Variants in ZNF469 observed in about 807,000 individuals in gnomAD.
ZNF469 encodes zinc finger protein 469.
ZNF469 carries 1 observed loss-of-function variant against 1.0 expected under a neutral mutation model. The ratio of observed to expected loss-of-function variants is 1.00; its 90% CI spans 0.35 to 4.73. The LOEUF is 4.73. Ranked by LOEUF, ZNF469 falls within the 30% of genes most tolerant of loss-of-function variation. The pLI, the probability that ZNF469 is intolerant of heterozygous loss-of-function variation, is 0.16. For missense variants in ZNF469, 6,100 were observed against 5,356.3 expected (o/e 1.14, Z -4.33); for synonymous variants, 2,703 against 2,363.4 (o/e 1.14, Z -4.17).
intron 1 of ZNF469, among the ~76,000 whole-genome samples, chr16:88,408,252 G>A (rs752269522): frequency 7.2e-5 from 11 of 152,176 alleles, no homozygotes; most frequent in Non-Finnish European, 1.2e-4. Flanking sequence ...TCCCAGGTTC[G>A]AGCAATTCTC....
chr16:88,117,774 G>C, the ZNF469 span, among the ~76,000 whole-genome samples: 6 of 152,224 alleles, frequency 3.9e-5, no homozygotes, highest in Non-Finnish European at 7.3e-5. Context: ...CCCCGGTCGT[G>C]TGCAAGTGAC....
upstream of ZNF469, among the ~76,000 whole-genome samples, chr16:88,380,852 TCA>T: frequency 9.8e-6 from 1 of 102,256 alleles, no homozygotes; most frequent in African/African-American, 3.8e-5. Context: ...AGACATGCAC[TCA>T]CATGCACTCA....
the ZNF469 span, among the ~76,000 whole-genome samples, chr16:88,356,528 G>A: frequency 1.4e-4 from 22 of 152,032 alleles, no homozygotes; most frequent in South Asian, 6.2e-4. Flanking sequence ...GTGTATTGCC[G>A]TGTGCCTGTG....
chr16:88,142,656 C>T, the ZNF469 span, among the ~76,000 whole-genome samples: 2 of 152,198 alleles, frequency 1.3e-5, no homozygotes, highest in African/African-American at 2.4e-5. Flanking sequence ...AACTCTATTG[C>T]CTGGTCTATA....
intron 1 of ZNF469, among the ~76,000 whole-genome samples, chr16:88,411,575 G>C (rs1480289765): frequency 4.6e-5 from 7 of 152,134 alleles, no homozygotes; most frequent in African/African-American, 1.7e-4. Flanking sequence ...GCAGCCTCAG[G>C]TGTGTTTGGA....
the ZNF469 span, among the ~76,000 whole-genome samples, chr16:88,311,636 G>C: frequency 6.6e-6 from 1 of 152,120 alleles, no homozygotes; most frequent in Non-Finnish European, 1.5e-5. Context: ...CCAACTGAGG[G>C]GTGTCTGGTG....
chr16:88,426,027 G>A (rs569834688), intron 2 of ZNF469, among the ~76,000 whole-genome samples: 1 of 152,374 alleles, frequency 6.6e-6, no homozygotes, highest in South Asian at 2.1e-4. Flanking sequence ...GGGACAGAGG[G>A]CCTGCCAGCC....
intron 1 of ZNF469, among the ~76,000 whole-genome samples, chr16:88,411,852 C>A (rs1418180497): frequency 6.6e-6 from 1 of 152,176 alleles, no homozygotes; most frequent in African/African-American, 2.4e-5. Context: ...CAGGCCCACA[C>A]CTGGGGTCCC....
the ZNF469 span, among the ~76,000 whole-genome samples, chr16:88,299,662 C>T: frequency 1.3e-5 from 2 of 152,178 alleles, no homozygotes; most frequent in Non-Finnish European, 1.5e-5. Flanking sequence ...TGATCCCACT[C>T]CAGCTGAGTG....
At chr16:88,172,427 A>G in the ZNF469 span, among the ~76,000 whole-genome samples, 2 of 152,254 alleles carry the variant, frequency 1.3e-5, no homozygotes, top group Non-Finnish European at 2.9e-5. Context: ...GCCATAGCCT[A>G]AGGCTGTTTT....
chr16:88,341,389 T>C, the ZNF469 span, among the ~76,000 whole-genome samples: 2 of 152,166 alleles, frequency 1.3e-5, no homozygotes, highest in Non-Finnish European at 2.9e-5. Context: ...CAGTTGCCCC[T>C]GCTGGGACGT....
chr16:88,432,649 A>C lies in ZNF469; in HGVS notation c.5179A>C (p.Lys1727Gln), dbSNP rs893571830. 6.4e-7 allele frequency: 1 copy of C among 1,550,412 alleles called. No homozygotes were observed. The highest frequency in any genetic ancestry group is 8.7e-7 in the Non-Finnish European group (1 of 1,146,980). ...PQDVCLPEPS[K>Q]QPGPQLDAGS... The stretch of plus-strand genomic sequence containing the variant: ...AGATGTCTGCCTGCCTGAGCCCAGC[A>C]AGCAGCCTGGCCCACAGCTGGATGC... The change falls in exon 3 of 3, where the codon AAG becomes CAG. Residue 1727 changes from lysine (K) to glutamine (Q), a missense_variant. By Grantham distance (53) the Lys-to-Gln change is moderately conservative. Transcript: ENST00000565624.
the ZNF469 span, among the ~76,000 whole-genome samples, chr16:88,153,468 TA>T: frequency 3.3e-5 from 5 of 152,252 alleles, no homozygotes; most frequent in African/African-American, 1.2e-4. Flanking sequence ...AGGTAGAATT[TA>T]CCCATTGCCC....
chr16:88,438,618 G>T lies in ZNF469; in HGVS notation c.11148G>T (p.Glu3716Asp), dbSNP rs1906776402. 1 of 1,550,106 alleles carries T rather than the reference G, an allele frequency of 6.5e-7. No homozygotes were observed. The change falls in exon 3 of 3, where the codon GAG (glutamate) becomes GAT (aspartate). Residue 3716 changes from glutamate to aspartate, a missense_variant. Coordinates refer to ENST00000565624, the MANE Select transcript of ZNF469 (RefSeq NM_001367624.2). ...CCGGGGAGCTGGCCCGTGGCACAGA[G>T]AATGGGATGAAGCCCGCCACCCCCA... ...LAPGELARGT[E>D]NGMKPATPKA...
At chr16:88,152,302 C>A in the ZNF469 span, among the ~76,000 whole-genome samples, 2 of 152,260 alleles carry the variant, frequency 1.3e-5, no homozygotes, top group African/African-American at 2.4e-5. This position sits in a 1 kb window ranked among gnomAD's most constrained non-coding sequence, Gnocchi z 4.2. Context: ...TTGGAAAAGT[C>A]ACGGGCAGCC....
chr16:88,216,685 ATTGAAAGGGTTTTGGAAGCTATCC>A, the ZNF469 span, among the ~76,000 whole-genome samples: 1 of 152,074 alleles, frequency 6.6e-6, no homozygotes, highest in Admixed American at 6.5e-5. Flanking sequence ...CATGCTTCTG[ATTGAAAGGGTTTTGGAAGCTATCC>A]TTTCAAATAT....
At chr16:88,387,068 T>TG (rs1904349935) in intron 1 of ZNF469, among the ~76,000 whole-genome samples, 1 of 152,148 alleles carries the variant, frequency 6.6e-6, no homozygotes. Flanking sequence ...GTCTATACTC[T>TG]GCTTGTCGGG....
the ZNF469 span, among the ~76,000 whole-genome samples, chr16:88,343,155 C>T: frequency 6.7e-6 from 1 of 150,076 alleles, no homozygotes. Flanking sequence ...TCTCACACCT[C>T]TCATGCTCCT....
rs1275912402 is a variant in ZNF469 at position 88,436,528 on chromosome 16, C to G, written c.9058C>G (p.Pro3020Ala). Residue 3020 changes from proline to alanine, a missense_variant, in exon 3 of 3, where the codon CCC becomes GCC. Physicochemically the swap from Pro to Ala is conservative, Grantham distance 27. Coordinates refer to ENST00000565624, the MANE Select transcript of ZNF469 (RefSeq NM_001367624.2). ...SSSLGDVSPE[P>A]PSLERERCDG... ...TTCTCTCGGAGATGTGAGCCCCGAG[C>G]CCCCCAGCCTGGAGAGAGAACGCTG... 1 of 1,548,964 alleles carries G rather than the reference C, an allele frequency of 6.5e-7. No individual in the cohort carries two copies. Among genetic ancestry groups the G allele is most frequent in the South Asian group, 1.2e-5 (1 of 84,056 alleles).
Sources: allele counts gnomAD v4.1 joint callset (sites outside exome capture counted in the v4.1 genomes callset), GRCh38; gene constraint gnomAD v4.1.1; non-coding constraint Gnocchi (gnomAD v3.1); transcripts MANE v1.5; gene names NCBI Gene and HGNC (gene_info 2026-07-23, HGNC 2026-07-21).